SLFN12: variants seen among roughly 807,000 people sequenced by gnomAD.
SLFN12 encodes ribonuclease SLFN12.
SLFN12 carries 25 observed loss-of-function variants against 29.1 expected under a neutral mutation model. That is an observed-to-expected ratio of 0.86 (90% confidence interval 0.63 to 1.20). The LOEUF (loss-of-function observed/expected upper bound fraction) is 1.20, where lower values mean the gene tolerates loss of function less well. Among genes scored for constraint, SLFN12 ranks in the 50% most tolerant of loss-of-function variants. SLFN12 has a pLI of 0.00. For missense variants in SLFN12, 660 were observed against 666.2 expected (o/e 0.99, Z 0.10); for synonymous variants, 257 against 238.7 (o/e 1.08, Z -0.71).
intron 3 of SLFN12, among the ~76,000 whole-genome samples, chr17:35,413,725 G>T (rs1272261232): frequency 6.7e-6 from 1 of 149,214 alleles, no homozygotes; most frequent in Non-Finnish European, 1.5e-5. Flanking sequence ...CTCCAACCTG[G>T]GTAACAAGAG....
intron 3 of SLFN12, among the ~76,000 whole-genome samples, chr17:35,419,002 G>A (rs866896932): frequency 6.6e-5 from 10 of 152,006 alleles, no homozygotes; most frequent in African/African-American, 2.4e-4. Context: ...TGAGTAGCTG[G>A]GTCTGCAGGT....
At chr17:35,431,782 T>C (rs1044744656) in intron 1 of SLFN12, 2 of 152,184 alleles carry the variant, frequency 1.3e-5, no homozygotes, top group Non-Finnish European at 1.5e-5. Flanking sequence ...GTCATGAACT[T>C]TAATGATATG....
At chr17:35,413,123 G>T (rs939214693) in intron 3 of SLFN12, among the ~76,000 whole-genome samples, 6 of 150,820 alleles carry the variant, frequency 4.0e-5, no homozygotes, top group African/African-American at 1.5e-4. Flanking sequence ...ACTGTCAAAA[G>T]GTCTAGCAAA....
At chr17:35,421,659 C>A (rs1911660077) in intron 2 of SLFN12, among the ~76,000 whole-genome samples, 1 of 151,390 alleles carries the variant, frequency 6.6e-6, no homozygotes, top group African/African-American at 2.4e-5. Flanking sequence ...CCTGCCTCAG[C>A]CTCCTGAGTA....
chr17:35,431,219 T>C (rs1476101841), intron 1 of SLFN12, among the ~76,000 whole-genome samples: 2 of 152,238 alleles, frequency 1.3e-5, no homozygotes, highest in African/African-American at 4.8e-5. Flanking sequence ...CAAACATTGG[T>C]TATAAACAAC....
At chr17:35,421,897 T>A in intron 2 of SLFN12, 93 bp downstream of exon 2, 2 of 1,461,968 alleles carry the variant, frequency 1.4e-6, no homozygotes, top group Non-Finnish European at 1.8e-6. Context: ...TGCTGAAATT[T>A]GAGGACTATT....
Position 35,422,802 on chromosome 17 carries a change from C to T in SLFN12, c.227G>A (p.Gly76Glu). 1 of 1,613,708 alleles carries T rather than the reference C, an allele frequency of 6.2e-7. No homozygotes were observed. The highest frequency in any genetic ancestry group is 8.5e-7 in the Non-Finnish European group (1 of 1,179,774). Residue 76 changes from glycine (G) to glutamate (E), a missense_variant, in exon 2 of 4, where the codon GGA (glycine) becomes GAA (glutamate). Transcript: ENST00000304905. ...ACTAAAAGAATTTTCCAAATCTAGT[C>T]CTATTCCATCTTTTGTATAACTATA... Reference protein sequence around the residue: ...EDYSYTKDGIGLDLENSFSNI... With the variant: ...EDYSYTKDGIELDLENSFSNI...
chr17:35,413,451 T>G (rs908384092), intron 3 of SLFN12, among the ~76,000 whole-genome samples: 4 of 151,896 alleles, frequency 2.6e-5, no homozygotes, highest in African/African-American at 9.7e-5. Flanking sequence ...CAACAGCACA[T>G]TAAAAGGATC....
chr17:35,411,836 T>G lies in SLFN12; in HGVS notation c.1239A>C (p.Glu413Asp). ...HEGLKQLICEEMDSVRKGSLI... is the reference protein window; with the variant it reads ...HEGLKQLICEDMDSVRKGSLI... ...GTGAGCCCTTTCTGACAGAGTCCATTTCTTCACATATTAATTGCTTAAGTC... is the reference window on the plus strand; with the variant it reads ...GTGAGCCCTTTCTGACAGAGTCCATGTCTTCACATATTAATTGCTTAAGTC... The change falls in exon 4 of 4, where the codon GAA (glutamate) becomes GAC (aspartate). Residue 413 changes from glutamate to aspartate, a missense_variant. By Grantham distance (45) the Glu-to-Asp change is conservative. Coordinates refer to ENST00000304905, the MANE Select transcript of SLFN12 (RefSeq NM_018042.5). 6.2e-7 allele frequency: 1 copy of G among 1,614,052 alleles called. No individual in the cohort carries two copies. Among genetic ancestry groups the G allele is most frequent in the Non-Finnish European group, 8.5e-7 (1 of 1,180,000 alleles).
chr17:35,411,032 G>T lies in SLFN12; in HGVS notation c.*306C>A, dbSNP rs1910968689. On this transcript the variant is annotated 3_prime_UTR_variant, in exon 4 of 4. Coordinates refer to ENST00000304905, the MANE Select transcript of SLFN12 (RefSeq NM_018042.5). ...AGGTATATGCTGGGAGATTTTCACT[G>T]TTGTCATTAAGAATAAAAGTGTTGC... The T allele has an allele frequency of 5.5e-6, 1 of 183,120 alleles. No homozygotes were observed. Among genetic ancestry groups the T allele is most frequent in the Non-Finnish European group, 1.1e-5 (1 of 89,122 alleles). The allele number at this position is 183,120 out of a possible 1,614,324, so 11.3% of individuals were successfully genotyped here.
intron 3 of SLFN12, among the ~76,000 whole-genome samples, chr17:35,415,446 T>C (rs1911260978): frequency 6.6e-6 from 1 of 152,064 alleles, no homozygotes; most frequent in Non-Finnish European, 1.5e-5. Context: ...TTCTAGACGT[T>C]GGCTTAGGCA....
At chr17:35,429,811 T>C (rs1912207112) in intron 1 of SLFN12, among the ~76,000 whole-genome samples, 1 of 152,026 alleles carries the variant, frequency 6.6e-6, no homozygotes, top group South Asian at 2.1e-4. Context: ...CAGCAGGGCA[T>C]GAGGGTGCTT....
chr17:35,414,259 C>T (rs188074894), intron 3 of SLFN12, among the ~76,000 whole-genome samples: 1 of 151,948 alleles, frequency 6.6e-6, no homozygotes, highest in African/African-American at 2.4e-5. Context: ...ATGATCAGAA[C>T]AAATAAAAGA....
At chr17:35,429,803 G>T (rs1912206542) in intron 1 of SLFN12, among the ~76,000 whole-genome samples, 1 of 151,992 alleles carries the variant, frequency 6.6e-6, no homozygotes, top group Non-Finnish European at 1.5e-5. Context: ...TAATAAACCA[G>T]CAGGGCATGA....
At chr17:35,420,210 T>C in intron 3 of SLFN12, 64 bp downstream of exon 3, 4 of 1,170,826 alleles carry the variant, frequency 3.4e-6, no homozygotes, top group Non-Finnish European at 5.1e-6. Context: ...CTGAGCTGGT[T>C]TGAAGAGAAA....
In SLFN12 at chr17:35,420,346, T is replaced by C. The variant is rs1911552385; in HGVS notation, c.1075A>G (p.Ile359Val). 6.2e-7 allele frequency: 1 copy of C among 1,613,828 alleles called. No homozygotes were observed. Residue 359 changes from isoleucine to valine, a missense_variant, in exon 3 of 4, where the codon ATA (isoleucine) becomes GTA (valine). By Grantham distance (29) the Ile-to-Val change is conservative (BLOSUM62 3). Transcript: ENST00000304905. ...TGGGGAGCAGGTAATGACGTATTTA[T>C]TTGAGAGATCACCTCTTCATATGAA... ...SSSYEEVISQ[I>V]NTSLPAPHSW... is the part of the protein sequence containing the mutation.
At position 35,411,593 on chromosome 17, in the gene SLFN12, C is replaced by A. The variant is rs1459085908; in HGVS notation, c.1482G>T (p.Met494Ile). 1.9e-6 allele frequency: 3 copies of A among 1,614,052 alleles called. No homozygotes were observed. Among genetic ancestry groups the A allele is most frequent in the Non-Finnish European group, 2.5e-6 (3 of 1,179,986 alleles). Residue 494 changes from methionine to isoleucine, a missense_variant, in exon 4 of 4, where the codon ATG becomes ATT. Coordinates refer to ENST00000304905, the MANE Select transcript of SLFN12 (RefSeq NM_018042.5). ...IGGYTKKVCV[M>I]TKIFYLSPEG... ...CAGGGCTCAAGTAGAAGATCTTTGT[C>A]ATGACACACACTTTTTTAGTGTAAC...
chr17:35,422,361 G>A lies in SLFN12; in HGVS notation c.668C>T (p.Pro223Leu), dbSNP rs2142042092. ...KLLQRIKEIL[P>L]QYVSAFANTD... Reference sequence around the variant, plus strand: ...ATTTGCAAATGCAGAAACATATTGAGGGAGAATCTCTTTAATTCGTTGTAA... The same window carrying A: ...ATTTGCAAATGCAGAAACATATTGAAGGAGAATCTCTTTAATTCGTTGTAA... The change falls in exon 2 of 4, where the codon CCT becomes CTT. Residue 223 changes from proline (P) to leucine (L), a missense_variant. Pro to Leu is a moderately conservative substitution (Grantham distance 98). Coordinates refer to ENST00000304905, the MANE Select transcript of SLFN12 (RefSeq NM_018042.5). 6.2e-7 allele frequency: 1 copy of A among 1,613,966 alleles called. No homozygotes were observed.
chr17:35,421,209 AAAAT>A (rs71152711), intron 2 of SLFN12, among the ~76,000 whole-genome samples: 21,325 of 140,162 alleles, frequency 0.15, 1,833 homozygotes, highest in East Asian at 0.31. Context: ...ACTCCGTCTC[AAAAT>A]AAATAAATAA....
Sources: allele counts gnomAD v4.1 joint callset (sites outside exome capture counted in the v4.1 genomes callset), GRCh38; gene constraint gnomAD v4.1.1; transcripts MANE v1.5; gene names NCBI Gene and HGNC (gene_info 2026-07-23, HGNC 2026-07-21).